Variants in PDE3B observed in about 807,000 individuals in gnomAD.
PDE3B encodes the protein cGMP-inhibited 3',5'-cyclic phosphodiesterase 3B.
In PDE3B, 66 loss-of-function variants were observed where a neutral mutation model predicts 116.8. The ratio of observed to expected loss-of-function variants is 0.56; its 90% confidence interval spans 0.46 to 0.69. The LOEUF (loss-of-function observed/expected upper bound fraction) is 0.69, where lower values mean the gene tolerates loss of function less well. Among genes scored for constraint, PDE3B ranks in the 30% least tolerant of loss-of-function variants. The pLI is 0.00. For missense variants in PDE3B, 1,384 were observed against 1,368.1 expected (o/e 1.01, Z -0.18); for synonymous variants, 595 against 533.6 (o/e 1.12, Z -1.59).
intron 1 of PDE3B, among the ~76,000 whole-genome samples, chr11:14,758,031 A>T (rs975164574): frequency 2.6e-5 from 4 of 151,610 alleles, no homozygotes; most frequent in African/African-American, 9.7e-5. Context: ...TGGCTAGCCA[A>T]TTTTCCCAGC....
rs780128485 is a variant in PDE3B, at chr11:14,644,250, C to T, written c.175C>T (p.Leu59=). The T allele has an allele frequency of 1.9e-6, 3 of 1,573,092 alleles. No homozygotes were observed. Among genetic ancestry groups the T allele is most frequent in the South Asian group, 2.3e-5 (2 of 87,496 alleles). ...FHLCRFCNVE[L]RPPPASPQQP... The stretch of plus-strand genomic sequence containing the variant: ...CCTCTGCCGCTTCTGCAACGTGGAG[C>T]TGCGGCCGCCGCCGGCCTCTCCCCA... Residue 59 remains leucine (L), a synonymous_variant, in exon 1 of 16, where the codon CTG becomes TTG. Transcript: ENST00000282096.
At chr11:14,680,590 A>G (rs1285427234) in intron 1 of PDE3B, among the ~76,000 whole-genome samples, 8 of 152,210 alleles carry the variant, frequency 5.3e-5, no homozygotes, top group Non-Finnish European at 8.8e-5. Flanking sequence ...TTGTATGTGT[A>G]TATACATGTC....
intron 5 of PDE3B, among the ~76,000 whole-genome samples, chr11:14,809,410 T>C (rs544809745): frequency 1.3e-5 from 2 of 152,264 alleles, no homozygotes; most frequent in African/African-American, 4.8e-5. Context: ...AAAAGTGAAA[T>C]GGAGTAGTAT....
chr11:14,808,780 G>GA (rs1416064921), intron 5 of PDE3B, among the ~76,000 whole-genome samples: 3 of 152,054 alleles, frequency 2.0e-5, no homozygotes, highest in East Asian at 3.8e-4. Context: ...AGTTAGCATT[G>GA]AAAAAATCTT....
intron 5 of PDE3B, among the ~76,000 whole-genome samples, chr11:14,812,593 GACACTGATACAAAAAGATT>G (rs1590166076): frequency 6.6e-6 from 1 of 152,056 alleles, no homozygotes. Context: ...AAGAAAACAT[GACACTGATACAAAAAGATT>G]ACACTGATAC....
chr11:14,646,867 T>G (rs1265163516), intron 1 of PDE3B, among the ~76,000 whole-genome samples: 2 of 152,062 alleles, frequency 1.3e-5, no homozygotes, highest in African/African-American at 2.4e-5. Flanking sequence ...AGGGTGTAAT[T>G]TCTTAGTGCA....
chr11:14,892,096 A>T, the PDE3B span: 1 of 1,611,602 alleles, frequency 6.2e-7, no homozygotes, highest in Non-Finnish European at 8.5e-7. Context: ...GGGGAAGCCC[A>T]TCGGCCGCCT....
chr11:14,707,137 G>A (rs1855557903), intron 1 of PDE3B, among the ~76,000 whole-genome samples: 1 of 151,902 alleles, frequency 6.6e-6, no homozygotes, highest in Non-Finnish European at 1.5e-5. Context: ...ATGGGATGAT[G>A]GGGTAGAACA....
intron 1 of PDE3B, among the ~76,000 whole-genome samples, chr11:14,757,110 T>C (rs1301175832): frequency 6.6e-6 from 1 of 152,130 alleles, no homozygotes; most frequent in Non-Finnish European, 1.5e-5. Flanking sequence ...GTATCATCCA[T>C]GTCCCTACAA....
rs1237588168 is a variant in PDE3B, at chr11:14,644,404, C to G, written c.329C>G (p.Thr110Arg). ...GCTGCCGGGGCCGCCTGGCTGCGGA[C>G]GCTGCTGAGCGTGTGTTCGCACAGC... is the stretch of plus-strand genomic sequence containing the variant. ...SWAAGAAWLR[T>R]LLSVCSHSLS... Residue 110 changes from threonine (T) to arginine (R), a missense_variant, in exon 1 of 16, where the codon ACG becomes AGG. Thr to Arg is a moderately conservative substitution (Grantham distance 71). Transcript: ENST00000282096. 6.2e-7 allele frequency: 1 copy of G among 1,606,980 alleles called. No individual in the cohort carries two copies. The highest frequency in any genetic ancestry group is 1.7e-5 in the Admixed American group (1 of 59,440).
intron 1 of PDE3B, among the ~76,000 whole-genome samples, chr11:14,732,485 T>C (rs1856485499): frequency 1.3e-5 from 2 of 152,172 alleles, no homozygotes; most frequent in African/African-American, 4.8e-5. Context: ...GAACTGCCTT[T>C]TAATTATAGA....
intron 1 of PDE3B, among the ~76,000 whole-genome samples, chr11:14,674,743 C>T (rs759393374): frequency 6.6e-6 from 1 of 152,178 alleles, no homozygotes; most frequent in Middle Eastern, 3.2e-3. Context: ...CTATGTAGCA[C>T]TTACACTTAG....
the PDE3B span, among the ~76,000 whole-genome samples, chr11:14,893,889 T>G: frequency 2.6e-5 from 4 of 152,322 alleles, no homozygotes; most frequent in East Asian, 7.7e-4. Context: ...GGGAGCATTA[T>G]TCTGCCTACT....
chr11:14,767,887 A>C (rs1857539909), intron 1 of PDE3B, among the ~76,000 whole-genome samples: 1 of 151,284 alleles, frequency 6.6e-6, no homozygotes, highest in Admixed American at 6.6e-5. Context: ...TATGTTTTTA[A>C]AAATATCATA....
intron 1 of PDE3B, among the ~76,000 whole-genome samples, chr11:14,670,245 G>T (rs1336913124): frequency 6.6e-6 from 1 of 152,020 alleles, no homozygotes; most frequent in African/African-American, 2.4e-5. Flanking sequence ...ATCTAATACC[G>T]GCTCAGTTTT....
intron 1 of PDE3B, among the ~76,000 whole-genome samples, chr11:14,685,446 CTTTTTTT>C (rs71044017): frequency 9.3e-5 from 8 of 86,310 alleles, no homozygotes; most frequent in Admixed American, 1.7e-4. Flanking sequence ...TTTTTCTCAT[CTTTTTTT>C]TTTTTTTTTT....
At chr11:14,733,385 A>G (rs1856514655) in intron 1 of PDE3B, among the ~76,000 whole-genome samples, 1 of 151,316 alleles carries the variant, frequency 6.6e-6, no homozygotes. Context: ...TCTCTCTTTT[A>G]CTCCCAACCT....
In PDE3B at chr11:14,846,770, A is replaced by G. The variant is rs570429157; in HGVS notation, c.2520+2744A>G. Among the ~76,000 whole-genome samples, 982 of 150,982 alleles carry G rather than the reference A, an allele frequency of 6.5e-3. 5 individuals carry two copies. The highest frequency in any genetic ancestry group is 0.011 in the Non-Finnish European group (765 of 67,404). On this transcript the variant is annotated intron_variant, in intron 12 of 15. Transcript: ENST00000282096. ...GCCATTACATAATGGTAAAGGGATC[A>G]ATTCAACAAGAAGAGCTAACTATCC...
intron 5 of PDE3B, among the ~76,000 whole-genome samples, chr11:14,815,938 T>TAC (rs35596025): frequency 0.18 from 26,220 of 146,096 alleles, 2,596 homozygotes; most frequent in African/African-American, 0.29. Flanking sequence ...ATTATATTTA[T>TAC]ACACACACAC....
Sources: allele counts gnomAD v4.1 joint callset (sites outside exome capture counted in the v4.1 genomes callset), GRCh38; gene constraint gnomAD v4.1.1; transcripts MANE v1.5; gene names NCBI Gene and HGNC (gene_info 2026-07-23, HGNC 2026-07-21).